Variants in RBFOX3 observed in about 807,000 individuals in gnomAD.
RBFOX3 encodes the protein RNA binding fox-1 homolog 3, also known as RNA binding protein fox-1 homolog 3.
In RBFOX3, 17 loss-of-function variants were observed where a neutral mutation model predicts 48.7. The observed-to-expected ratio is 0.35, with a 90% confidence interval of 0.24 to 0.52. The LOEUF (loss-of-function observed/expected upper bound fraction) is 0.52. Ranked by LOEUF, RBFOX3 falls within the 20% of genes least tolerant of loss-of-function variation. RBFOX3 has a pLI of 0.94. For missense variants in RBFOX3, 382 were observed against 497.5 expected (o/e 0.77, Z 2.21); for synonymous variants, 212 against 209.5 (o/e 1.01, Z -0.10).
intron 3 of RBFOX3, among the ~76,000 whole-genome samples, chr17:79,244,754 CTTCCTT>C (rs910086536): frequency 3.3e-5 from 3 of 91,796 alleles, no homozygotes; most frequent in African/African-American, 9.0e-5. Flanking sequence ...TCCTTCCTTC[CTTCCTT>C]TTCTTCCTTC....
At position 79,418,677 on chromosome 17, in the gene RBFOX3, G is replaced by A. The variant is rs1021301636; in HGVS notation, c.-175+63777C>T. Among the ~76,000 whole-genome samples, 3 of 152,206 alleles carry A rather than the reference G, an allele frequency of 2.0e-5. No individual in the cohort carries two copies. The highest frequency in any genetic ancestry group is 2.9e-5 in the Non-Finnish European group (2 of 68,040). On this transcript the variant is annotated intron_variant, in intron 2 of 14. Transcript: ENST00000693108. This position sits in a 1 kb window ranked among gnomAD's most constrained non-coding sequence, Gnocchi z 5.0. ...AAGACAGAGAGGGATGGATGTGGCT[G>A]TGCCAAGTGCCCTGGCATCCCCCAA...
chr17:79,550,488 G>C (rs2091030154), intron 1 of RBFOX3, among the ~76,000 whole-genome samples: 1 of 152,154 alleles, frequency 6.6e-6, no homozygotes, highest in Non-Finnish European at 1.5e-5. Context: ...GCCTGGGATG[G>C]AGGACACATA....
chr17:79,542,511 A>AGGCCGGACAT (rs71307200), intron 1 of RBFOX3, among the ~76,000 whole-genome samples: 2 of 151,964 alleles, frequency 1.3e-5, no homozygotes, highest in African/African-American at 2.4e-5. Flanking sequence ...TCAGTTTTCT[A>AGGCCGGACAT]GGTGGCTGAC....
chr17:79,102,287 C>A (rs1031259991), intron 8 of RBFOX3, among the ~76,000 whole-genome samples: 1 of 152,194 alleles, frequency 6.6e-6, no homozygotes, highest in African/African-American at 2.4e-5. Context: ...TCGAGAATAG[C>A]AGGGGTGATG....
chr17:79,100,991 G>C (rs1215359972), intron 9 of RBFOX3, among the ~76,000 whole-genome samples: 1 of 152,190 alleles, frequency 6.6e-6, no homozygotes, highest in Non-Finnish European at 1.5e-5. Flanking sequence ...GGCAGTTACT[G>C]TAATCACATC....
intron 3 of RBFOX3, among the ~76,000 whole-genome samples, chr17:79,244,716 T>C (rs778420907): frequency 9.9e-6 from 1 of 101,482 alleles, no homozygotes; most frequent in African/African-American, 3.1e-5. Flanking sequence ...CCCTTCCCTT[T>C]TCTTTCCTCT....
upstream of RBFOX3, among the ~76,000 whole-genome samples, chr17:79,614,483 C>CT (rs1162976213): frequency 1.8e-4 from 27 of 151,670 alleles, no homozygotes; most frequent in African/African-American, 5.3e-4. Context: ...TTGCAGCCCC[C>CT]CTAAGGTGAG....
intron 4 of RBFOX3, among the ~76,000 whole-genome samples, chr17:79,139,709 G>T (rs4789947): frequency 0.14 from 21,439 of 152,104 alleles, 2,684 homozygotes; most frequent in East Asian, 0.6. Flanking sequence ...ACCACCAACC[G>T]CGAAAAAGGA....
intron 2 of RBFOX3, among the ~76,000 whole-genome samples, chr17:79,430,262 C>T (rs189276866): frequency 2.8e-4 from 36 of 126,786 alleles, no homozygotes; most frequent in African/African-American, 8.9e-4. Context: ...CTGTCTAAAA[C>T]ATCTTCCAAA....
At chr17:79,159,825 G>A (rs1194399909) in intron 4 of RBFOX3, among the ~76,000 whole-genome samples, 2 of 152,224 alleles carry the variant, frequency 1.3e-5, no homozygotes, top group Non-Finnish European at 2.9e-5. Flanking sequence ...TACAGCTGCT[G>A]AGGAGGGTGA....
At chr17:79,577,443 A>T (rs995788102) in intron 1 of RBFOX3, among the ~76,000 whole-genome samples, 176 of 152,362 alleles carry the variant, frequency 1.2e-3, no homozygotes, top group African/African-American at 4.1e-3. Context: ...CAGAGGAAAA[A>T]GCAGCAATGT....
At chr17:79,532,452 G>A (rs1412125885) in intron 1 of RBFOX3, among the ~76,000 whole-genome samples, 1 of 152,228 alleles carries the variant, frequency 6.6e-6, no homozygotes, top group South Asian at 2.1e-4. Flanking sequence ...CAGAGCTGAT[G>A]AGGTTGCAGG....
At chr17:79,292,693 A>G (rs1405931944) in intron 3 of RBFOX3, among the ~76,000 whole-genome samples, 1 of 152,142 alleles carries the variant, frequency 6.6e-6, no homozygotes, top group Non-Finnish European at 1.5e-5. Context: ...TCGCTGTGTA[A>G]TGAGGGAACA....
At chr17:79,404,433 C>A (rs373503162) in intron 2 of RBFOX3, among the ~76,000 whole-genome samples, 1 of 152,244 alleles carries the variant, frequency 6.6e-6, no homozygotes, top group South Asian at 2.1e-4. Flanking sequence ...CCAGGCCACA[C>A]GGCCCCACTC....
intron 2 of RBFOX3, among the ~76,000 whole-genome samples, chr17:79,403,412 G>T (rs1019630293): frequency 6.6e-6 from 1 of 152,200 alleles, no homozygotes. Flanking sequence ...CTGTGGATGG[G>T]CACCTCTGTC....
intron 2 of RBFOX3, among the ~76,000 whole-genome samples, chr17:79,366,881 C>T (rs1180856224): frequency 6.6e-6 from 1 of 152,216 alleles, no homozygotes; most frequent in African/African-American, 2.4e-5. Flanking sequence ...TGAAGGCTCT[C>T]AGCTGAGTCC....
At chr17:79,611,260 C>T (rs1445059855), upstream of RBFOX3, among the ~76,000 whole-genome samples, 1 of 149,112 alleles carries the variant, frequency 6.7e-6, no homozygotes, top group Non-Finnish European at 1.5e-5. Context: ...CAGGAGCACG[C>T]GGCGGCGGCG....
intron 3 of RBFOX3, among the ~76,000 whole-genome samples, chr17:79,240,061 T>G (rs529297473): frequency 6.6e-6 from 1 of 152,286 alleles, no homozygotes; most frequent in African/African-American, 2.4e-5. Context: ...CCTTGTGGGC[T>G]TTTCCCTGCA....
chr17:79,455,583 G>A (rs1472030656), intron 2 of RBFOX3, among the ~76,000 whole-genome samples: 1 of 151,982 alleles, frequency 6.6e-6, no homozygotes, highest in Non-Finnish European at 1.5e-5. Flanking sequence ...ACGGGTGTGT[G>A]CACACACACA....
Sources: gnomAD v4.1 joint callset for allele counts (sites outside exome capture counted in the v4.1 genomes callset) on GRCh38, gnomAD v4.1.1 for gene constraint, Gnocchi (gnomAD v3.1) non-coding constraint, MANE v1.5 for transcripts, NCBI Gene and HGNC (gene_info 2026-07-23, HGNC 2026-07-21) for gene names.